C1orf198: variants seen among roughly 807,000 people sequenced by gnomAD.
The protein encoded by C1orf198 is uncharacterized protein C1orf198.
A neutral mutation model predicts 31.4 loss-of-function variants in C1orf198; 17 were observed. That is an observed-to-expected ratio of 0.54 (90% CI 0.37 to 0.81). The LOEUF (loss-of-function observed/expected upper bound fraction) is 0.81, where lower values mean the gene tolerates loss of function less well. Among genes scored for constraint, C1orf198 ranks in the 40% least tolerant of loss-of-function variants. The probability of loss-of-function intolerance (pLI) is 0.00; values close to 1 mark genes in which losing one functional copy is unlikely to be tolerated. For missense variants in C1orf198, 401 were observed against 450.3 expected (o/e 0.89, Z 0.99); for synonymous variants, 175 against 193.8 (o/e 0.90, Z 0.81).
Position 230,863,276 on chromosome 1 carries a change from A to G in C1orf198, c.333+4904T>C, listed in dbSNP as rs554870256. Reference sequence around the variant, plus strand: ...TCAAGCCTCCATAGATTACAGCAAAACAAAAACTCAGCATGAGCATGGTAA... The same window carrying G: ...TCAAGCCTCCATAGATTACAGCAAAGCAAAAACTCAGCATGAGCATGGTAA... On this transcript the variant is annotated intron_variant, in intron 1 of 3. Coordinates refer to ENST00000366663, the MANE Select transcript of C1orf198 (RefSeq NM_032800.3). 6.6e-5 allele frequency among the ~76,000 whole-genome samples: 10 copies of G among 152,330 alleles called. No individual in the cohort carries two copies. The South Asian group carries it at 2.1e-3, about 32-fold the overall frequency.
At chr1:230,865,259 G>A (rs1167868983) in intron 1 of C1orf198, among the ~76,000 whole-genome samples, 4 of 152,134 alleles carry the variant, frequency 2.6e-5, no homozygotes, top group East Asian at 1.9e-4. Flanking sequence ...GGGCTCCACC[G>A]GCTCCTCTCC....
chr1:230,849,257 C>A (rs10429982), intron 2 of C1orf198, among the ~76,000 whole-genome samples: 4 of 152,096 alleles, frequency 2.6e-5, no homozygotes, highest in Admixed American at 6.5e-5. Context: ...CCCTCTCCCA[C>A]GGCACTGAGC....
rs1048730595 is a variant in C1orf198 at position 230,857,334 on chromosome 1, C to A, written c.334-1616G>T. Among the ~76,000 whole-genome samples the A allele has an allele frequency of 6.6e-6, 1 of 152,190 alleles. No homozygotes were observed. The highest frequency in any genetic ancestry group is 1.5e-5 in the Non-Finnish European group (1 of 68,038). On this transcript the variant is annotated intron_variant, in intron 1 of 3. Transcript: ENST00000366663. The surrounding 1 kb of genome is among the most constrained non-coding windows in gnomAD (Gnocchi z 4.2). The stretch of plus-strand genomic sequence containing the variant: ...CGGAAGACTCAGCGACTGCCCGTAG[C>A]GGACGCTTACTCACTCTTTGAGAAT...
chr1:230,843,559 T>C lies in C1orf198; in HGVS notation c.722A>G (p.Lys241Arg), dbSNP rs766217041. 1 of 1,613,728 alleles carries C rather than the reference T, an allele frequency of 6.2e-7. No individual in the cohort carries two copies. Among genetic ancestry groups the C allele is most frequent in the Non-Finnish European group, 8.5e-7 (1 of 1,179,768 alleles). The part of the protein sequence containing the change: ...QEPAPKDREA[K>R]VERPSTLRQE... ...ACGGAGGGTGCTGGGCCTTTCCACC[T>C]TGGCCTCCCTGTCCTTCGGGGCAGG... The change falls in exon 3 of 4, where the codon AAG (lysine) becomes AGG (arginine). Residue 241 changes from lysine to arginine, a missense_variant. Physicochemically the swap from Lys to Arg is conservative, Grantham distance 26 (BLOSUM62 2). Transcript: ENST00000366663. The surrounding 1 kb of genome is among the most constrained non-coding windows in gnomAD (Gnocchi z 4.9).
intron 2 of C1orf198, among the ~76,000 whole-genome samples, chr1:230,846,251 C>T (rs368662818): frequency 4.7e-4 from 72 of 152,290 alleles, no homozygotes; most frequent in African/African-American, 1.6e-3. Flanking sequence ...TTTCTAATGC[C>T]ACCAGATGTA....
At chr1:230,844,045 C>T in intron 2 of C1orf198, 149 bp from the exon 3 acceptor site, 1 of 815,814 alleles carries the variant, frequency 1.2e-6, no homozygotes, top group African/African-American at 1.7e-5. Flanking sequence ...ACTGTCTGTC[C>T]TGAGTGGTGG....
At chr1:230,868,652 C>G (rs1035012159), upstream of C1orf198, 44 of 645,196 alleles carry the variant, frequency 6.8e-5, no homozygotes, top group Non-Finnish European at 8.3e-5. Context: ...CAAGCCAACC[C>G]AGCTCCCCAA....
rs769217119 is a variant in C1orf198 at position 230,851,043 on chromosome 1, TAC to T, written c.384+4623_384+4624del. On this transcript the variant is annotated intron_variant, in intron 2 of 3. Transcript: ENST00000366663. ...CTCCCAAGGGTGAAAGAATTCAGAGTACACACACATCCCTATCATGGGCACAG... is the reference window on the plus strand; with the variant it reads ...CTCCCAAGGGTGAAAGAATTCAGAGTACACACATCCCTATCATGGGCACAG... 2.1e-4 allele frequency among the ~76,000 whole-genome samples: 32 copies of T among 151,620 alleles called. 1 individual carries two copies. The highest frequency in any genetic ancestry group is 2.9e-5 in the Non-Finnish European group (2 of 67,916).
chr1:230,862,956 C>A (rs1670033723), intron 1 of C1orf198, among the ~76,000 whole-genome samples: 1 of 152,184 alleles, frequency 6.6e-6, no homozygotes. Context: ...GTACCTTCTG[C>A]TCAATTTTGC....
rs774576054 is a variant in C1orf198 at position 230,839,832 on chromosome 1, T to C, written c.*20A>G. On this transcript the variant is annotated 3_prime_UTR_variant, in exon 4 of 4. Coordinates refer to ENST00000366663, the MANE Select transcript of C1orf198 (RefSeq NM_032800.3). Reference sequence around the variant, plus strand: ...TTGGAAAACATTTTAGGGTTCTTCATTGTATTTTTCTAATACATTTTACCA... The same window carrying C: ...TTGGAAAACATTTTAGGGTTCTTCACTGTATTTTTCTAATACATTTTACCA... 2.0e-5 allele frequency: 32 copies of C among 1,604,370 alleles called. No individual in the cohort carries two copies. Among genetic ancestry groups the C allele is most frequent in the Middle Eastern group, 3.4e-4 (2 of 5,808 alleles).
Position 230,839,153 on chromosome 1 carries a change from A to G in C1orf198, c.*699T>C, listed in dbSNP as rs982657307. On this transcript the variant is annotated 3_prime_UTR_variant, in exon 4 of 4. Transcript: ENST00000366663. ...GATAATCTAGATACAAAATAATGAA[A>G]AGCTAGTACAAAACTCTTTAAACAT... 6.6e-6 allele frequency: 1 copy of G among 152,354 alleles called. No individual in the cohort carries two copies. Among genetic ancestry groups the G allele is most frequent in the East Asian group, 1.9e-4 (1 of 5,186 alleles). 9.4% of individuals were successfully genotyped at this position (152,354 alleles called of 1,614,324 possible). A position where few individuals can be genotyped will look rare whatever the true frequency, so the allele number is the denominator to read the frequency against.
chr1:230,867,489 A>C (rs1331542072), intron 1 of C1orf198, among the ~76,000 whole-genome samples: 3 of 152,118 alleles, frequency 2.0e-5, no homozygotes, highest in Non-Finnish European at 2.9e-5. Context: ...AGCTCATTTA[A>C]ACTTATCGTC....
At chr1:230,841,739 A>G (rs77466462) in intron 3 of C1orf198, among the ~76,000 whole-genome samples, 3,831 of 152,304 alleles carry the variant, frequency 0.025, 104 homozygotes, top group African/African-American at 0.07. Context: ...AAAAAAGTAG[A>G]AATAGAACCA....
At chr1:230,860,344 A>T (rs1191955914) in intron 1 of C1orf198, among the ~76,000 whole-genome samples, 1 of 152,180 alleles carries the variant, frequency 6.6e-6, no homozygotes, top group Non-Finnish European at 1.5e-5. Context: ...TTGTTCTAGC[A>T]ATTTCATTCC....
At chr1:230,841,035 G>C (rs1669424805) in intron 3 of C1orf198, among the ~76,000 whole-genome samples, 1 of 152,200 alleles carries the variant, frequency 6.6e-6, no homozygotes, top group African/African-American at 2.4e-5. Flanking sequence ...CTTCTCTTTA[G>C]AGTGGGGACT....
rs1009831861 is a variant in C1orf198, at chr1:230,857,202, A to T, written c.334-1484T>A. Among the ~76,000 whole-genome samples, 1 of 152,172 alleles carries T rather than the reference A, an allele frequency of 6.6e-6. No homozygotes were observed. Among genetic ancestry groups the T allele is most frequent in the African/African-American group, 2.4e-5 (1 of 41,438 alleles). On this transcript the variant is annotated intron_variant, in intron 1 of 3. Coordinates refer to ENST00000366663, the MANE Select transcript of C1orf198 (RefSeq NM_032800.3). The surrounding 1 kb of genome is among the most constrained non-coding windows in gnomAD (Gnocchi z 4.2). The stretch of plus-strand genomic sequence containing the variant: ...AGGCCTATTCCCAAGAAGCGGGGAC[A>T]GGGAAGGAAGTGTGTGATGACTCCC...
Position 230,843,253 on chromosome 1 carries a change from G to A in C1orf198, c.927+101C>T. ...AGGCAGGGGAAGGAGAAGAAAAAGA[G>A]CATGGGCACCTGTGGCCTGCCTGCT... On this transcript the variant is annotated intron_variant, in intron 3 of 3. Transcript: ENST00000366663. The surrounding 1 kb of genome is among the most constrained non-coding windows in gnomAD (Gnocchi z 4.9). 7 of 1,357,192 alleles carry A rather than the reference G, an allele frequency of 5.2e-6. No homozygotes were observed. Among genetic ancestry groups the A allele is most frequent in the Non-Finnish European group, 7.0e-6 (7 of 1,003,616 alleles). The allele number at this position is 1,357,192 out of a possible 1,614,324, so 84.1% of individuals were successfully genotyped here.
chr1:230,843,238 A>AGGAGGAAGGAGGAG lies in C1orf198; in HGVS notation c.927+115_927+116insCTCCTCCTTCCTCC, dbSNP rs148028926. On this transcript the variant is annotated intron_variant, in intron 3 of 3. Transcript: ENST00000366663. The surrounding 1 kb of genome is among the most constrained non-coding windows in gnomAD (Gnocchi z 4.9). Reference sequence around the variant, plus strand: ...CATCCTCTGAGGAAGAGGCAGGGGAAGGAGAAGAAAAAGAGCATGGGCACC... The same window carrying AGGAGGAAGGAGGAG: ...CATCCTCTGAGGAAGAGGCAGGGGAAGGAGGAAGGAGGAGGGAGAAGAAAAAGAGCATGGGCACC... 0.016 allele frequency: 18,699 copies of AGGAGGAAGGAGGAG among 1,205,584 alleles called. 2,010 individuals carry two copies. In the African/African-American group the frequency reaches 0.25, roughly 16 times the overall value. 74.7% of individuals were successfully genotyped at this position (1,205,584 alleles called of 1,614,324 possible).
At position 230,868,312 on chromosome 1, in the gene C1orf198, G is replaced by A. The variant is rs1308458077; in HGVS notation, c.201C>T (p.Asp67=). The A allele has an allele frequency of 6.3e-7, 1 of 1,597,460 alleles. No homozygotes were observed. The highest frequency in any genetic ancestry group is 8.5e-7 in the Non-Finnish European group (1 of 1,172,956). Residue 67 remains aspartate (D), a synonymous_variant, in exon 1 of 4, where the codon GAC becomes GAT. Coordinates refer to ENST00000366663, the MANE Select transcript of C1orf198 (RefSeq NM_032800.3). ...CCACCAGGCACCGGTCGATGATCTC[G>A]TCCTGCTGCGCGGGCGGCAGCCGCG... ...EWARLPPAQQ[D]EIIDRCLVGP...
Sources: gnomAD v4.1 joint callset for allele counts (sites outside exome capture counted in the v4.1 genomes callset) on GRCh38, gnomAD v4.1.1 for gene constraint, Gnocchi (gnomAD v3.1) non-coding constraint, MANE v1.5 for transcripts, NCBI Gene and HGNC (gene_info 2026-07-23, HGNC 2026-07-21) for gene names.